RYR2: variants seen among roughly 807,000 people sequenced by gnomAD.
RYR2 encodes cardiac muscle ryanodine receptor-calcium release channel.
RYR2 carries 227 observed loss-of-function variants against 601.1 expected under a neutral mutation model. That is an observed-to-expected ratio of 0.38 (90% CI 0.34 to 0.42). The LOEUF is 0.42. Ranked by LOEUF, RYR2 falls within the 10% of genes least tolerant of loss-of-function variation. The pLI is 1.00. For missense variants in RYR2, 4,646 were observed against 6,156.5 expected (o/e 0.75, Z 8.21); for synonymous variants, 2,223 against 2,175.1 (o/e 1.02, Z -0.61).
chr1:237,045,868 GGT>G (rs1491294612), intron 1 of RYR2, among the ~76,000 whole-genome samples: 37 of 103,590 alleles, frequency 3.6e-4, no homozygotes, highest in African/African-American at 1.5e-3. Flanking sequence ...CCTTGGTCAA[GGT>G]TTTTTTTTTT....
At chr1:237,689,645 T>C (rs1558224971) in intron 63 of RYR2, among the ~76,000 whole-genome samples, 1 of 152,166 alleles carries the variant, frequency 6.6e-6, no homozygotes, top group Non-Finnish European at 1.5e-5. Context: ...CTATTATTTT[T>C]ATTTTTAAGG....
At chr1:237,800,842 T>C (rs1321296932) in intron 97 of RYR2, among the ~76,000 whole-genome samples, 2 of 152,318 alleles carry the variant, frequency 1.3e-5, no homozygotes, top group East Asian at 3.9e-4. Flanking sequence ...ACATTCAGTG[T>C]GTGAGCTGGG....
chr1:237,350,075 CAT>C (rs1198870047), intron 3 of RYR2, among the ~76,000 whole-genome samples: 19 of 151,940 alleles, frequency 1.3e-4, no homozygotes, highest in African/African-American at 4.6e-4. Context: ...AATATAAACT[CAT>C]ATTTTAAGAA....
chr1:237,687,367 T>TTC (rs1491327637), intron 62 of RYR2, 88 bp from the exon 63 acceptor site: 20 of 250,808 alleles, frequency 8.0e-5, no homozygotes, highest in African/African-American at 1.8e-4. Context: ...TTTCTTCTTC[T>TTC]TTTTTTTTTT....
At chr1:237,192,438 C>T (rs1402536413) in intron 1 of RYR2, among the ~76,000 whole-genome samples, 1 of 152,188 alleles carries the variant, frequency 6.6e-6, no homozygotes, top group Non-Finnish European at 1.5e-5. Context: ...TGGTCTCAAA[C>T]TCCTGACTTC....
intron 25 of RYR2, among the ~76,000 whole-genome samples, chr1:237,536,690 G>A (rs970581700): frequency 2.9e-5 from 4 of 135,634 alleles, no homozygotes; most frequent in African/African-American, 1.1e-4. Flanking sequence ...ACTCCAGCCC[G>A]GACGACAGAG....
chr1:237,139,009 T>C (rs1571981267), intron 1 of RYR2, among the ~76,000 whole-genome samples: 1 of 152,324 alleles, frequency 6.6e-6, no homozygotes, highest in East Asian at 1.9e-4. Context: ...AGTTACCATA[T>C]GAACCAGCAA....
At chr1:237,222,789 G>T (rs1452584596) in intron 1 of RYR2, among the ~76,000 whole-genome samples, 1 of 152,048 alleles carries the variant, frequency 6.6e-6, no homozygotes, top group Non-Finnish European at 1.5e-5. Flanking sequence ...GTATTGGCTG[G>T]GCGCGGTGGC....
rs202206483 is a variant in RYR2, at chr1:237,570,338, A to AT, written c.3598+1036dup. 3.2e-3 allele frequency among the ~76,000 whole-genome samples: 464 copies of AT among 143,054 alleles called. 1 individual carries two copies. The highest frequency in any genetic ancestry group is 8.8e-3 in the African/African-American group (342 of 39,006). The allele number at this position is 143,054 out of a possible 152,430, so 93.8% of individuals were successfully genotyped here. ...GCTGTTTATATTTAAGTTAGTTTGA[A>AT]TTTTTTTTTTTTTTTTTGAGTCAGA... On this transcript the variant is annotated intron_variant, in intron 29 of 104. Coordinates refer to ENST00000366574, the MANE Select transcript of RYR2 (RefSeq NM_001035.3).
chr1:237,680,308 T>G, intron 61 of RYR2, 148 bp from the exon 62 acceptor site: 1 of 569,374 alleles, frequency 1.8e-6, no homozygotes, highest in South Asian at 2.6e-5. Flanking sequence ...GAGTGAGATT[T>G]AAGAGAGGCA....
chr1:237,537,941 A>G (rs908126589), intron 25 of RYR2, among the ~76,000 whole-genome samples: 11 of 152,156 alleles, frequency 7.2e-5, no homozygotes, highest in Admixed American at 5.2e-4. Flanking sequence ...ACAGAAGGAG[A>G]GCTTCAAGTG....
intron 11 of RYR2, among the ~76,000 whole-genome samples, chr1:237,418,263 C>G (rs530316553): frequency 6.6e-6 from 1 of 152,200 alleles, no homozygotes; most frequent in African/African-American, 2.4e-5. Flanking sequence ...AGGATGGTCT[C>G]GATCTCCTGA....
intron 63 of RYR2, among the ~76,000 whole-genome samples, chr1:237,690,659 C>T (rs553730861): frequency 5.3e-5 from 8 of 152,096 alleles, no homozygotes; most frequent in Non-Finnish European, 1.2e-4. Context: ...CTCGGGAGTT[C>T]AAGACCAGCC....
At chr1:237,632,043 G>GT (rs889033735) in intron 42 of RYR2, among the ~76,000 whole-genome samples, 26 of 150,834 alleles carry the variant, frequency 1.7e-4, no homozygotes, top group South Asian at 1.3e-3. Flanking sequence ...CGTACTACTA[G>GT]TTTTTTTTTC....
In RYR2 at chr1:237,791,533, T is replaced by C. The variant is rs756786171; in HGVS notation, c.13563+18T>C. The C allele has an allele frequency of 8.2e-7, 1 of 1,222,926 alleles. No individual in the cohort carries two copies. Among genetic ancestry groups the C allele is most frequent in the South Asian group, 1.3e-5 (1 of 77,240 alleles). The allele number at this position is 1,222,926 out of a possible 1,614,324, so 75.8% of individuals were successfully genotyped here. A position where few individuals can be genotyped will look rare whatever the true frequency, so the allele number is the denominator to read the frequency against. The stretch of plus-strand genomic sequence containing the variant: ...TTTATAAGGTACGTACATCTCACTG[T>C]TTTAATTACTGGTATAAAACTCCAA... On this transcript the variant is annotated intron_variant, in intron 93 of 104. Transcript: ENST00000366574.
intron 10 of RYR2, among the ~76,000 whole-genome samples, chr1:237,402,893 T>A (rs1703508407): frequency 6.6e-6 from 1 of 152,248 alleles, no homozygotes; most frequent in Non-Finnish European, 1.5e-5. Context: ...ACCATCCCCC[T>A]GCTTCAGCCT....
chr1:237,156,915 G>A (rs1675406405), intron 1 of RYR2, among the ~76,000 whole-genome samples: 1 of 152,184 alleles, frequency 6.6e-6, no homozygotes, highest in Non-Finnish European at 1.5e-5. Flanking sequence ...AGAGAAAGGG[G>A]AATGCTTGCG....
At chr1:237,260,980 A>G (rs1433409060) in intron 1 of RYR2, among the ~76,000 whole-genome samples, 2 of 152,214 alleles carry the variant, frequency 1.3e-5, no homozygotes, top group African/African-American at 2.4e-5. Flanking sequence ...GGCTTCTTTT[A>G]TTTGGAATTA....
intron 23 of RYR2, among the ~76,000 whole-genome samples, chr1:237,508,707 CCATGTTCAAGA>C (rs796566170): frequency 4.0e-5 from 6 of 149,474 alleles, no homozygotes; most frequent in African/African-American, 1.5e-4. Context: ...CACATTCCTG[CCATGTTCAAGA>C]CACTCTTCGG....
Sources: allele counts gnomAD v4.1 joint callset (sites outside exome capture counted in the v4.1 genomes callset), GRCh38; gene constraint gnomAD v4.1.1; transcripts MANE v1.5; gene names NCBI Gene and HGNC (gene_info 2026-07-23, HGNC 2026-07-21).